PTPRD: variants seen among roughly 807,000 people sequenced by gnomAD.
PTPRD encodes the protein protein tyrosine phosphatase receptor type D.
Under a neutral mutation model 214.5 loss-of-function variants are expected in PTPRD, and 34 were observed. The ratio of observed to expected loss-of-function variants is 0.16; its 90% CI spans 0.12 to 0.21. The LOEUF is 0.21. PTPRD is among the 10% of genes least tolerant of loss of function. PTPRD has a pLI of 1.00. For synonymous variants in PTPRD, 1,128 were observed against 845.7 expected (o/e 1.33, Z -5.79); for missense variants, 2,545 against 2,398.7 (o/e 1.06, Z -1.27).
chr9:8,752,081 C>G (rs568433002), intron 11 of PTPRD, among the ~76,000 whole-genome samples: 6 of 152,272 alleles, frequency 3.9e-5, no homozygotes, highest in African/African-American at 1.4e-4. Flanking sequence ...CCACCGCTGT[C>G]AGAGATGTGT....
intron 11 of PTPRD, among the ~76,000 whole-genome samples, chr9:8,986,566 T>C (rs2099346145): frequency 6.6e-6 from 1 of 152,054 alleles, no homozygotes; most frequent in African/African-American, 2.4e-5. Flanking sequence ...AAAATAAATA[T>C]ATAGAGTTAT....
At chr9:9,465,617 T>C (rs754450205) in intron 8 of PTPRD, among the ~76,000 whole-genome samples, 9 of 152,212 alleles carry the variant, frequency 5.9e-5, no homozygotes, top group Non-Finnish European at 1.0e-4. Context: ...AATTCCTGAT[T>C]TTTGAGAACG....
At chr9:9,694,829 C>T (rs2097341042) in intron 7 of PTPRD, among the ~76,000 whole-genome samples, 1 of 152,178 alleles carries the variant, frequency 6.6e-6, no homozygotes, top group Middle Eastern at 3.4e-3. Context: ...GTGGTGAACG[C>T]TACCAGGCCT....
At chr9:8,973,497 G>C (rs967669376) in intron 11 of PTPRD, among the ~76,000 whole-genome samples, 2 of 151,864 alleles carry the variant, frequency 1.3e-5, no homozygotes, top group African/African-American at 4.8e-5. Context: ...CCATGTCTTT[G>C]CCATTATGAA....
At chr9:9,681,120 G>A (rs1394982740) in intron 7 of PTPRD, among the ~76,000 whole-genome samples, 1 of 151,628 alleles carries the variant, frequency 6.6e-6, no homozygotes, top group Non-Finnish European at 1.5e-5. Flanking sequence ...TCTAAAAAAT[G>A]GAAATACTCA....
At chr9:10,192,526 C>G (rs1195107501) in intron 3 of PTPRD, among the ~76,000 whole-genome samples, 1 of 148,684 alleles carries the variant, frequency 6.7e-6, no homozygotes, top group East Asian at 2.0e-4. Context: ...AGACACAGAC[C>G]AACAACTTAG....
At chr9:10,531,456 A>G (rs965023415) in intron 2 of PTPRD, among the ~76,000 whole-genome samples, 14 of 152,198 alleles carry the variant, frequency 9.2e-5, no homozygotes, top group African/African-American at 3.4e-4. Context: ...ATTAAAATAG[A>G]TGGGAGCCTA....
intron 7 of PTPRD, among the ~76,000 whole-genome samples, chr9:9,723,098 C>T (rs977457004): frequency 6.6e-6 from 1 of 152,008 alleles, no homozygotes; most frequent in Non-Finnish European, 1.5e-5. Flanking sequence ...CACTGTGTAA[C>T]ACAAGGTCAC....
chr9:9,728,309 C>T (rs1162940943), intron 7 of PTPRD, among the ~76,000 whole-genome samples: 2 of 152,138 alleles, frequency 1.3e-5, no homozygotes, highest in Non-Finnish European at 2.9e-5. Flanking sequence ...TAGTGATTGA[C>T]ACAAAATACT....
At chr9:10,010,579 C>T (rs1380506468) in intron 4 of PTPRD, among the ~76,000 whole-genome samples, 3 of 151,770 alleles carry the variant, frequency 2.0e-5, no homozygotes, top group East Asian at 3.9e-4. Context: ...TGGCCATGCA[C>T]AGCACTCAGG....
chr9:9,603,924 G>T (rs1223628357), intron 7 of PTPRD, among the ~76,000 whole-genome samples: 1 of 151,858 alleles, frequency 6.6e-6, no homozygotes, highest in Non-Finnish European at 1.5e-5. Context: ...CACTTTTGGT[G>T]TACAGATAAT....
intron 9 of PTPRD, among the ~76,000 whole-genome samples, chr9:9,262,073 C>T (rs1413975226): frequency 6.6e-6 from 1 of 151,614 alleles, no homozygotes; most frequent in Non-Finnish European, 1.5e-5. Context: ...GGAATATTAA[C>T]ACTGGCAAGA....
At chr9:9,025,365 T>G (rs1232760516) in intron 10 of PTPRD, among the ~76,000 whole-genome samples, 1 of 151,986 alleles carries the variant, frequency 6.6e-6, no homozygotes, top group Admixed American at 6.6e-5. Context: ...TTGATGTCAT[T>G]GTATAGAATG....
intron 4 of PTPRD, among the ~76,000 whole-genome samples, chr9:9,963,524 C>T (rs1443948674): frequency 6.6e-6 from 1 of 152,110 alleles, no homozygotes; most frequent in Admixed American, 6.6e-5. Flanking sequence ...ATGGAAGCAT[C>T]ATCGAATAAA....
At chr9:10,018,538 CTTTTTTTTTTTTTTTT>C (rs71321214) in intron 4 of PTPRD, among the ~76,000 whole-genome samples, 2 of 71,094 alleles carry the variant, frequency 2.8e-5, no homozygotes, top group Admixed American at 4.3e-4. Flanking sequence ...AATTACATTT[CTTTTTTTTTTTTTTTT>C]TTTTTTTTTT....
chr9:8,742,739 A>G (rs1163971028), intron 11 of PTPRD, among the ~76,000 whole-genome samples: 2 of 152,188 alleles, frequency 1.3e-5, no homozygotes, highest in Non-Finnish European at 2.9e-5. Flanking sequence ...AAAGTGAAGG[A>G]CCTTTTAATT....
At chr9:9,237,107 A>G (rs557972562) in intron 9 of PTPRD, among the ~76,000 whole-genome samples, 1 of 152,284 alleles carries the variant, frequency 6.6e-6, no homozygotes, top group South Asian at 2.1e-4. Context: ...AACATCACAA[A>G]CACTAACAAT....
At chr9:8,636,892 G>A (rs1267891372) in intron 12 of PTPRD, 48 bp from the exon 13 acceptor site, 1 of 1,592,672 alleles carries the variant, frequency 6.3e-7, no homozygotes, top group African/African-American at 1.3e-5. Context: ...CTGAAATACA[G>A]ACTATTATCC....
intron 36 of PTPRD, among the ~76,000 whole-genome samples, chr9:8,403,626 T>C (rs1047196660): frequency 6.6e-6 from 1 of 152,226 alleles, no homozygotes; most frequent in Non-Finnish European, 1.5e-5. Flanking sequence ...GAATCCTTAA[T>C]GAAGCTGGAT....
Sources: gnomAD v4.1 joint callset for allele counts (sites outside exome capture counted in the v4.1 genomes callset) on GRCh38, gnomAD v4.1.1 for gene constraint, MANE v1.5 for transcripts, NCBI Gene and HGNC (gene_info 2026-07-23, HGNC 2026-07-21) for gene names.